LARGE1: variants seen among roughly 807,000 people sequenced by gnomAD.
LARGE1 encodes the protein xylosyl- and glucuronyltransferase LARGE1.
A neutral mutation model predicts 87.6 loss-of-function variants in LARGE1; 43 were observed. The ratio of observed to expected loss-of-function variants is 0.49; its 90% CI spans 0.38 to 0.63. LARGE1 has a LOEUF of 0.63. Among genes scored for constraint, LARGE1 ranks in the 30% least tolerant of loss-of-function variants. The pLI is 0.00. For missense variants in LARGE1, 802 were observed against 1,000.2 expected (o/e 0.80, Z 2.67); for synonymous variants, 434 against 394.6 (o/e 1.10, Z -1.18).
At chr22:33,138,133 C>A in the LARGE1 span, among the ~76,000 whole-genome samples, 1 of 152,194 alleles carries the variant, frequency 6.6e-6, no homozygotes, top group South Asian at 2.1e-4. Flanking sequence ...CCCTACAAAA[C>A]CGTAGTGGCA....
At chr22:33,443,257 C>T (rs991056774) in intron 6 of LARGE1, among the ~76,000 whole-genome samples, 3 of 152,304 alleles carry the variant, frequency 2.0e-5, no homozygotes, top group African/African-American at 7.2e-5. Flanking sequence ...CTCTCAGTTA[C>T]AAAAGCCCAT....
In LARGE1 at chr22:33,560,389, T is replaced by G. The variant is rs566307807; in HGVS notation, c.787+4459A>C. 2.6e-5 allele frequency among the ~76,000 whole-genome samples: 4 copies of G among 152,316 alleles called. No individual in the cohort carries two copies. In the East Asian group the frequency reaches 7.7e-4, roughly 29 times the overall value. The stretch of plus-strand genomic sequence containing the variant: ...GTGAGGGTGAGGAAGGCAGTGCCCA[T>G]GTACGCTGGATAGTTTGACCATACC... On this transcript the variant is annotated intron_variant, in intron 6 of 14. Coordinates refer to ENST00000397394, the MANE Select transcript of LARGE1 (RefSeq NM_133642.5).
intron 6 of LARGE1, among the ~76,000 whole-genome samples, chr22:33,500,004 C>G (rs1275709747): frequency 1.3e-5 from 2 of 152,134 alleles, no homozygotes; most frequent in Admixed American, 1.3e-4. Flanking sequence ...GAACTCCTGA[C>G]CTCAGGTGAT....
At chr22:33,915,038 C>CAGAGAGAGAG (rs1385339734) in intron 1 of LARGE1, among the ~76,000 whole-genome samples, 2 of 114,756 alleles carry the variant, frequency 1.7e-5, no homozygotes, top group African/African-American at 6.7e-5. Flanking sequence ...CACACACACA[C>CAGAGAGAGAG]ACACAGAGAG....
chr22:33,416,044 T>C (rs1228784913), intron 7 of LARGE1, among the ~76,000 whole-genome samples: 2 of 152,166 alleles, frequency 1.3e-5, no homozygotes, highest in Non-Finnish European at 2.9e-5. Flanking sequence ...GTGCCAGCTA[T>C]TTCCCATTCA....
chr22:33,176,002 C>T (rs1488417151), intron 11 of LARGE1, among the ~76,000 whole-genome samples: 2 of 152,160 alleles, frequency 1.3e-5, no homozygotes, highest in African/African-American at 4.8e-5. Context: ...TAACACCACA[C>T]ATCTACAACC....
intron 2 of LARGE1, among the ~76,000 whole-genome samples, chr22:33,747,262 T>C (rs1328646396): frequency 1.3e-5 from 2 of 152,132 alleles, no homozygotes; most frequent in Non-Finnish European, 2.9e-5. Context: ...AAGATCCACT[T>C]TGCAGGCCTG....
rs550428324 is a variant in LARGE1, at chr22:33,453,414, C to CA, written c.788-21150dup. On this transcript the variant is annotated intron_variant, in intron 6 of 14. Coordinates refer to ENST00000397394, the MANE Select transcript of LARGE1 (RefSeq NM_133642.5). ...TGGGTGACAGAGCGAGACTCCATCT[C>CA]AAAAAAAAAAAAAAAGTTGTTGCTT... 4.6e-3 allele frequency among the ~76,000 whole-genome samples: 587 copies of CA among 127,402 alleles called. 2 individuals are homozygous for CA. The highest frequency in any genetic ancestry group is 3.8e-3 in the Non-Finnish European group (227 of 59,060). The allele number at this position is 127,402 out of a possible 152,430, so 83.6% of individuals were successfully genotyped here.
At chr22:33,282,618 G>C (rs1930671200) in intron 13 of LARGE1, among the ~76,000 whole-genome samples, 1 of 152,170 alleles carries the variant, frequency 6.6e-6, no homozygotes, top group Non-Finnish European at 1.5e-5. Context: ...TGGGAAAAAA[G>C]GAAAATCAGG....
chr22:33,318,589 G>T (rs922407517), intron 10 of LARGE1, among the ~76,000 whole-genome samples: 3 of 151,994 alleles, frequency 2.0e-5, no homozygotes, highest in African/African-American at 7.3e-5. Flanking sequence ...ACACACCGGG[G>T]CCTGTTGTGG....
the LARGE1 span, among the ~76,000 whole-genome samples, chr22:33,118,558 A>G: frequency 6.6e-6 from 1 of 152,076 alleles, no homozygotes; most frequent in African/African-American, 2.4e-5. Context: ...GAGAGACAAA[A>G]AAGGACAATT....
intron 6 of LARGE1, among the ~76,000 whole-genome samples, chr22:33,516,472 C>T (rs1027516932): frequency 7.9e-5 from 12 of 152,222 alleles, no homozygotes; most frequent in African/African-American, 2.9e-4. Flanking sequence ...AAAAAGGAAG[C>T]CCCACCTTTC....
chr22:33,839,650 T>C (rs1477856900), intron 1 of LARGE1, among the ~76,000 whole-genome samples: 2 of 152,226 alleles, frequency 1.3e-5, no homozygotes, highest in Admixed American at 1.3e-4. Flanking sequence ...TAAGATTTAG[T>C]AGCCTGAACA....
the LARGE1 span, among the ~76,000 whole-genome samples, chr22:33,096,061 A>G: frequency 6.6e-6 from 1 of 152,048 alleles, no homozygotes; most frequent in Non-Finnish European, 1.5e-5. Flanking sequence ...CTTTTTTGAA[A>G]CAAGTCCCAC....
intron 7 of LARGE1, among the ~76,000 whole-genome samples, chr22:33,399,799 C>T (rs550933965): frequency 2.0e-5 from 3 of 152,176 alleles, no homozygotes; most frequent in Non-Finnish European, 2.9e-5. Context: ...CTGCCCGCCT[C>T]GGCCTCCCAA....
chr22:33,705,809 A>C (rs2082543666), intron 2 of LARGE1, among the ~76,000 whole-genome samples: 1 of 152,220 alleles, frequency 6.6e-6, no homozygotes, highest in Non-Finnish European at 1.5e-5. Context: ...TAAGGCAATA[A>C]ACATGATAAT....
intron 7 of LARGE1, among the ~76,000 whole-genome samples, chr22:33,416,753 G>A (rs535614930): frequency 2.6e-5 from 4 of 151,712 alleles, no homozygotes; most frequent in Admixed American, 1.3e-4. Context: ...ACAGGCACCC[G>A]CCACCAGCCC....
intron 6 of LARGE1, among the ~76,000 whole-genome samples, chr22:33,521,493 G>A (rs1478560860): frequency 6.6e-6 from 1 of 152,196 alleles, no homozygotes; most frequent in Non-Finnish European, 1.5e-5. Flanking sequence ...AGTGGCAGGG[G>A]GAGCCCCAGT....
At chr22:33,645,786 G>A (rs975165590) in intron 3 of LARGE1, among the ~76,000 whole-genome samples, 17 of 152,148 alleles carry the variant, frequency 1.1e-4, no homozygotes, top group African/African-American at 4.1e-4. Context: ...GCGAAGGTAT[G>A]AAGAGACACT....
Sources: allele counts gnomAD v4.1 joint callset (sites outside exome capture counted in the v4.1 genomes callset), GRCh38; gene constraint gnomAD v4.1.1; transcripts MANE v1.5; gene names NCBI Gene and HGNC (gene_info 2026-07-23, HGNC 2026-07-21).